GNAS: variants seen among roughly 807,000 people sequenced by gnomAD.
GNAS encodes protein ALEX.
Under a neutral mutation model 54.5 loss-of-function variants are expected in GNAS, and 8 were observed. The ratio of observed to expected loss-of-function variants is 0.15; its 90% CI spans 0.09 to 0.26. The LOEUF is 0.26. Among genes scored for constraint, GNAS ranks in the 10% least tolerant of loss-of-function variants. The pLI is 1.00. For missense variants in GNAS, 170 were observed against 529.8 expected (o/e 0.32, Z 6.67); for synonymous variants, 204 against 191.4 (o/e 1.07, Z -0.54).
intron 1 of GNAS, chr20:58,855,941 A>C (rs2086480333): frequency 2.7e-6 from 1 of 375,168 alleles, no homozygotes; most frequent in South Asian, 5.4e-5. Flanking sequence ...GGCCCGGGCA[A>C]AAAACTTTCG....
Position 58,873,874 on chromosome 20 carries a change from A to G in GNAS, c.44-21738A>G, listed in dbSNP as rs950788863. ...CGATTACACAGGGAATAAATAAGGA[A>G]AGATGGAAAGATTGTCAACCAAAAG... On this transcript the variant is annotated intron_variant, in intron 1 of 12. Transcript: ENST00000306090. This position sits in a 1 kb window ranked among gnomAD's most constrained non-coding sequence, Gnocchi z 4.3. 6.6e-6 allele frequency among the ~76,000 whole-genome samples: 1 copy of G among 152,206 alleles called. No individual in the cohort carries two copies.
chr20:58,895,333 C>A lies in GNAS; in HGVS notation c.140-279C>A, dbSNP rs1400457820. On this transcript the variant is annotated intron_variant, in intron 1 of 12. Coordinates refer to ENST00000371085, the MANE Select transcript of GNAS (RefSeq NM_000516.7). ...TTCTCTTTGCCCCTTTCCAACACCA[C>A]CCCACAATTTTTTAAACAATCAAAA... 1.1e-5 allele frequency: 5 copies of A among 449,350 alleles called. 1 individual carries two copies. The East Asian group carries it at 2.1e-4, about 19-fold the overall frequency. 27.8% of individuals were successfully genotyped at this position (449,350 alleles called of 1,614,324 possible).
Position 58,898,803 on chromosome 20 carries a change from G to GGGAGGATGGATGGCT in GNAS, c.213-135_213-121dup. On this transcript the variant is annotated intron_variant, in intron 2 of 12. Coordinates refer to ENST00000371085, the MANE Select transcript of GNAS (RefSeq NM_000516.7). ...CCAGAAAGGCGACCTAAGAATTGCCGGGAGGATGGATGGCTGGCGCGCGAA... is the reference window on the plus strand; with the variant it reads ...CCAGAAAGGCGACCTAAGAATTGCCGGGAGGATGGATGGCTGGAGGATGGATGGCTGGCGCGCGAA... 7 of 815,632 alleles carry GGGAGGATGGATGGCT rather than the reference G, an allele frequency of 8.6e-6. No individual in the cohort carries two copies. In the South Asian group the frequency reaches 9.3e-5, roughly 11 times the overall value. 50.5% of individuals were successfully genotyped at this position (815,632 alleles called of 1,614,324 possible).
At chr20:58,905,631 T>C (rs2090990788) in intron 6 of GNAS, 151 bp downstream of exon 6, 2 of 681,798 alleles carry the variant, frequency 2.9e-6, no homozygotes, top group South Asian at 3.1e-5. Flanking sequence ...TCTAATCTGA[T>C]TCAATTGTTT....
upstream of GNAS, among the ~76,000 whole-genome samples, chr20:58,886,785 G>T (rs1261645759): frequency 6.6e-6 from 1 of 152,196 alleles, no homozygotes; most frequent in Non-Finnish European, 1.5e-5. Flanking sequence ...AAACCAGCTT[G>T]TGTTTCAGCA....
intron 1 of GNAS, among the ~76,000 whole-genome samples, chr20:58,860,580 T>C (rs1333957526): frequency 6.6e-6 from 1 of 152,204 alleles, no homozygotes; most frequent in African/African-American, 2.4e-5. Context: ...GCCTTACTTC[T>C]AGTCCAGGCT....
In GNAS at chr20:58,909,849, C is replaced by T. The variant is rs898386396; in HGVS notation, c.839+45C>T. Reference sequence around the variant, plus strand: ...ACCCCCTGCGCTTGCCCAGGAGGCCCTGGTCTGCACTGTTTATAGAGAAGA... The same window carrying T: ...ACCCCCTGCGCTTGCCCAGGAGGCCTTGGTCTGCACTGTTTATAGAGAAGA... On this transcript the variant is annotated intron_variant, in intron 10 of 12. Transcript: ENST00000371085. This position sits in a 1 kb window ranked among gnomAD's most constrained non-coding sequence, Gnocchi z 7.3. The T allele has an allele frequency of 1.2e-6, 2 of 1,612,644 alleles. No homozygotes were observed. Among genetic ancestry groups the T allele is most frequent in the Non-Finnish European group, 1.7e-6 (2 of 1,179,704 alleles).
intron 1 of GNAS, among the ~76,000 whole-genome samples, chr20:58,862,995 GTTTAGTTTCC>G (rs2086861147): frequency 1.3e-5 from 2 of 151,534 alleles, no homozygotes; most frequent in African/African-American, 4.8e-5. Context: ...AAGAAAATGT[GTTTAGTTTCC>G]TTTCCAACAG....
At chr20:58,891,986 G>T (rs1340610261) in intron 1 of GNAS, 121 bp downstream of exon 1, 1 of 763,878 alleles carries the variant, frequency 1.3e-6, no homozygotes, top group African/African-American at 1.9e-5. Flanking sequence ...CCGCCCGTTC[G>T]CGGGCTCTGT....
chr20:58,877,410 C>G (rs1261083811), intron 1 of GNAS, among the ~76,000 whole-genome samples: 1 of 152,198 alleles, frequency 6.6e-6, no homozygotes, highest in Non-Finnish European at 1.5e-5. Flanking sequence ...TAGCTTCCCC[C>G]TTTCCTTCCG....
At chr20:58,844,837 C>A (rs909234220) in intron 1 of GNAS, among the ~76,000 whole-genome samples, 2 of 151,760 alleles carry the variant, frequency 1.3e-5, no homozygotes, top group Non-Finnish European at 2.9e-5. Flanking sequence ...CAACAAAAAA[C>A]CCCGAAAAAC....
chr20:58,853,122 C>T lies in GNAS; in HGVS notation c.43+12236C>T, dbSNP rs2086250026. ...TTCCAGGCCTTGAACCCCCCAACCT[C>T]ACAAGGGTTGGAAAGTGAGGCCGGT... is the stretch of plus-strand genomic sequence containing the variant. On this transcript the variant is annotated intron_variant, in intron 1 of 12. Coordinates refer to the GNAS transcript ENST00000306090. This position sits in a 1 kb window ranked among gnomAD's most constrained non-coding sequence, Gnocchi z 4.4. 1 of 1,428,928 alleles carries T rather than the reference C, an allele frequency of 7.0e-7. No homozygotes were observed. The highest frequency in any genetic ancestry group is 1.4e-5 in the African/African-American group (1 of 69,654). 88.5% of individuals were successfully genotyped at this position (1,428,928 alleles called of 1,614,324 possible).
intron 1 of GNAS, chr20:58,884,387 AC>A (rs1226884846): frequency 6.6e-6 from 1 of 152,244 alleles, no homozygotes; most frequent in East Asian, 1.9e-4. Context: ...TAAAATAAGA[AC>A]AATTATAAAG....
chr20:58,881,139 G>A (rs1231992350), intron 1 of GNAS, among the ~76,000 whole-genome samples: 2 of 152,164 alleles, frequency 1.3e-5, no homozygotes, highest in Non-Finnish European at 2.9e-5. Flanking sequence ...GAAAACTAAG[G>A]AACTTTTCAG....
chr20:58,891,898 C>T (rs1431491618), intron 1 of GNAS, 33 bp downstream of exon 1: 6 of 1,044,998 alleles, frequency 5.7e-6, no homozygotes, highest in Non-Finnish European at 7.0e-6. Flanking sequence ...GGCCCCGGCC[C>T]GGGGGCCCTC....
At chr20:58,897,579 A>G (rs939484820) in intron 2 of GNAS, 1 of 152,214 alleles carries the variant, frequency 6.6e-6, no homozygotes, top group Non-Finnish European at 1.5e-5. Context: ...AAATTTAAAA[A>G]TTTTTATAGA....
intron 1 of GNAS, among the ~76,000 whole-genome samples, chr20:58,848,578 C>T (rs559410413): frequency 4.6e-5 from 7 of 152,288 alleles, no homozygotes; most frequent in African/African-American, 7.2e-5. Flanking sequence ...AGGCCCCAGA[C>T]GATGCTGCCC....
intron 1 of GNAS, among the ~76,000 whole-genome samples, chr20:58,851,320 G>T (rs530485465): frequency 1.3e-5 from 2 of 152,246 alleles, no homozygotes; most frequent in South Asian, 4.1e-4. Context: ...AAACGGGATC[G>T]CAACTTGCGG....
chr20:58,906,089 G>A (rs1472265561), intron 6 of GNAS, among the ~76,000 whole-genome samples: 1 of 152,146 alleles, frequency 6.6e-6, no homozygotes, highest in Non-Finnish European at 1.5e-5. Flanking sequence ...ATGGTAAGTG[G>A]TCAATGGATT....
Sources: allele counts gnomAD v4.1 joint callset (sites outside exome capture counted in the v4.1 genomes callset), GRCh38; gene constraint gnomAD v4.1.1; non-coding constraint Gnocchi (gnomAD v3.1); transcripts MANE v1.5; gene names NCBI Gene and HGNC (gene_info 2026-07-23, HGNC 2026-07-21).